Variants in CYFIP1 observed in about 807,000 individuals in gnomAD.
CYFIP1 encodes the protein cytoplasmic FMR1-interacting protein 1.
In CYFIP1, 58 loss-of-function variants were observed where a neutral mutation model predicts 163.5. The ratio of observed to expected loss-of-function variants is 0.35; its 90% CI spans 0.29 to 0.44. The LOEUF is 0.44. Among genes scored for constraint, CYFIP1 ranks in the 20% least tolerant of loss-of-function variants. CYFIP1 has a pLI of 1.00. For synonymous variants in CYFIP1, 663 were observed against 660.7 expected (o/e 1.00, Z -0.05); for missense variants, 1,338 against 1,653.8 (o/e 0.81, Z 3.31).
At chr15:22,974,600 A>G (rs2140275111) in intron 1 of CYFIP1, among the ~76,000 whole-genome samples, 1 of 152,036 alleles carries the variant, frequency 6.6e-6, no homozygotes, top group African/African-American at 2.4e-5. Flanking sequence ...GCTTGGTGGC[A>G]CCTCCTGTAA....
At chr15:22,968,849 C>T (rs776439096) in intron 1 of CYFIP1, among the ~76,000 whole-genome samples, 5 of 152,170 alleles carry the variant, frequency 3.3e-5, no homozygotes, top group East Asian at 3.9e-4. Flanking sequence ...TCACTGGTTT[C>T]GTGGAGACTG....
chr15:22,873,562 C>T lies in CYFIP1; in HGVS notation c.3378G>A (p.Glu1126=), dbSNP rs773287639. ...GCATGGCACTCCACAGTCTGTGAAA[C>T]TCCACACACTCGTCCACATGCATGA... ...NGVMHVDECV[E]FHRLWSAMQF... is the part of the protein sequence containing the mutation. The change falls in exon 29 of 31, where the codon GAG becomes GAA. Residue 1126 remains glutamate, a synonymous_variant. Coordinates refer to ENST00000617928, the MANE Select transcript of CYFIP1 (RefSeq NM_014608.6). 2 of 1,614,244 alleles carry T rather than the reference C, an allele frequency of 1.2e-6. No homozygotes were observed. Among genetic ancestry groups the T allele is most frequent in the African/African-American group, 1.3e-5 (1 of 75,078 alleles).
At chr15:22,944,984 G>A in intron 3 of CYFIP1, 45 bp from the exon 4 acceptor site, 1 of 1,545,410 alleles carries the variant, frequency 6.5e-7, no homozygotes, top group Non-Finnish European at 8.9e-7. Flanking sequence ...GGGGGAACTA[G>A]CATGAAAAGC....
chr15:22,926,130 G>A (rs1445530596), intron 12 of CYFIP1, 23 bp from the exon 13 acceptor site: 3 of 1,613,806 alleles, frequency 1.9e-6, no homozygotes, highest in African/African-American at 2.7e-5. Flanking sequence ...AAAGAGCAGA[G>A]GTGTTCCATA....
intron 3 of CYFIP1, among the ~76,000 whole-genome samples, chr15:22,945,960 T>C (rs138109917): frequency 6.6e-6 from 1 of 152,252 alleles, no homozygotes; most frequent in East Asian, 1.9e-4. Context: ...ATTTACAAAA[T>C]GGTTTACGTA....
intron 1 of CYFIP1, among the ~76,000 whole-genome samples, chr15:22,961,804 A>C (rs1478453471): frequency 2.6e-5 from 4 of 152,182 alleles, no homozygotes; most frequent in Non-Finnish European, 5.9e-5. Flanking sequence ...ACAACGTTAA[A>C]GATATTAAAG....
chr15:22,873,831 G>A, intron 28 of CYFIP1, 102 bp from the exon 29 acceptor site: 1 of 1,094,544 alleles, frequency 9.1e-7, no homozygotes, highest in Non-Finnish European at 1.3e-6. Flanking sequence ...TTGCTCTGCT[G>A]CCTAGGCTGG....
intron 11 of CYFIP1, 61 bp from the exon 12 acceptor site, chr15:22,928,089 C>T (rs1371362713): frequency 2.1e-6 from 3 of 1,428,638 alleles, no homozygotes; most frequent in Non-Finnish European, 1.8e-6. Context: ...CCCCCCATCC[C>T]GGGATCCACC....
intron 23 of CYFIP1, among the ~76,000 whole-genome samples, chr15:22,890,309 C>CAAAAAAA (rs916023349): frequency 1.2e-5 from 1 of 81,520 alleles, no homozygotes. Flanking sequence ...GACTCCATCT[C>CAAAAAAA]AAAAAAAAAA....
intron 1 of CYFIP1, among the ~76,000 whole-genome samples, chr15:22,955,892 CAAAGAACAGTGA>C (rs2062432099): frequency 6.6e-6 from 1 of 151,750 alleles, no homozygotes. Context: ...TGCTTCAAAA[CAAAGAACAGTGA>C]ATCAACAGAA....
At chr15:22,967,964 C>T (rs1478695029) in intron 1 of CYFIP1, among the ~76,000 whole-genome samples, 23 of 151,966 alleles carry the variant, frequency 1.5e-4, no homozygotes, top group Admixed American at 1.3e-3. Flanking sequence ...GGTGAAACCC[C>T]GTCTCTACTA....
At chr15:22,943,419 C>A in intron 5 of CYFIP1, 65 bp from the exon 6 acceptor site, 2 of 1,506,134 alleles carry the variant, frequency 1.3e-6, no homozygotes, top group Non-Finnish European at 1.8e-6. Context: ...CATGTCCCTC[C>A]TTCAAGCACC....
chr15:22,931,137 G>A, intron 11 of CYFIP1, among the ~76,000 whole-genome samples: 1 of 152,314 alleles, frequency 6.6e-6, no homozygotes, highest in Non-Finnish European at 1.5e-5. Context: ...CCTGCAGTGG[G>A]TGGGGCCAAC....
intron 12 of CYFIP1, 21 bp downstream of exon 12, chr15:22,927,885 G>A (rs763089735): frequency 6.3e-7 from 1 of 1,586,774 alleles, no homozygotes; most frequent in Non-Finnish European, 8.5e-7. Flanking sequence ...GAGCGGGGCT[G>A]GGGTCGGGGA....
chr15:22,875,320 GAGCA>G, intron 26 of CYFIP1, 49 bp from the exon 27 acceptor site: 1 of 1,527,782 alleles, frequency 6.5e-7, no homozygotes, highest in Non-Finnish European at 9.1e-7. Context: ...TCTCGCCAGA[GAGCA>G]ATCTGGTGCT....
At chr15:22,952,205 G>C (rs1186862949) in intron 1 of CYFIP1, among the ~76,000 whole-genome samples, 2 of 152,130 alleles carry the variant, frequency 1.3e-5, no homozygotes, top group East Asian at 1.9e-4. Flanking sequence ...ACAGAAAGGA[G>C]AACAGTGGTG....
rs578237652 is a variant in CYFIP1 at position 22,879,167 on chromosome 15, C to T, written c.3042+746G>A. ...AAAAAAAAAGAAAAAGAAAATAGGC[C>T]GAAGAACTCAATGGGGCATTTCACA... On this transcript the variant is annotated intron_variant, in intron 26 of 30. Transcript: ENST00000617928. Among the ~76,000 whole-genome samples, 10 of 151,896 alleles carry T rather than the reference C, an allele frequency of 6.6e-5. 1 individual carries two copies. The highest frequency in any genetic ancestry group is 2.1e-4 in the South Asian group (1 of 4,816).
chr15:22,922,148 G>T (rs1227152834), intron 13 of CYFIP1, among the ~76,000 whole-genome samples: 4 of 152,120 alleles, frequency 2.6e-5, no homozygotes. Context: ...TCTGAACCTT[G>T]GGAGTGTCCT....
rs564838879 is a variant in CYFIP1, at chr15:22,910,605, C to T, written c.2183G>A (p.Arg728Gln). 9 of 1,614,110 alleles carry T rather than the reference C, an allele frequency of 5.6e-6. No individual in the cohort carries two copies. Among genetic ancestry groups the T allele is most frequent in the East Asian group, 2.2e-5 (1 of 44,888 alleles). Residue 728 changes from arginine to glutamine, a missense_variant, in exon 20 of 31, where the codon CGA (arginine) becomes CAA (glutamine). By Grantham distance (43) the Arg-to-Gln change is conservative. Coordinates refer to ENST00000617928, the MANE Select transcript of CYFIP1 (RefSeq NM_014608.6). ...GGCTCCCTGATTCTTGCATTCTGATCGTAACCGTTTATCAAGAAGCAAACT... is the reference window on the plus strand; with the variant it reads ...GGCTCCCTGATTCTTGCATTCTGATTGTAACCGTTTATCAAGAAGCAAACT... ...AGSLLLDKRL[R>Q]SECKNQGATI...
Sources: gnomAD v4.1 joint callset for allele counts (sites outside exome capture counted in the v4.1 genomes callset) on GRCh38, gnomAD v4.1.1 for gene constraint, MANE v1.5 for transcripts, NCBI Gene and HGNC (gene_info 2026-07-23, HGNC 2026-07-21) for gene names.